The following TENM2 variants were observed in gnomAD, a reference collection of about 807,000 sequenced individuals.
TENM2 encodes the protein teneurin transmembrane protein 2.
TENM2 carries 52 observed loss-of-function variants against 245.2 expected under a neutral mutation model. The ratio of observed to expected loss-of-function variants is 0.21; its 90% CI spans 0.17 to 0.27. TENM2 has a LOEUF of 0.27. Among genes scored for constraint, TENM2 ranks in the 10% least tolerant of loss-of-function variants. TENM2 has a pLI of 1.00. For missense variants in TENM2, 3,046 were observed against 3,666.8 expected, an observed-to-expected ratio of 0.83 and a Z score of 4.37; for synonymous variants, 1,363 against 1,438.9, an observed-to-expected ratio of 0.95 and a Z score of 1.19.
the TENM2 span, among the ~76,000 whole-genome samples, chr5:167,157,617 A>G: frequency 6.6e-5 from 10 of 152,222 alleles, no homozygotes; most frequent in African/African-American, 1.7e-4. Context: ...TTTTATATCT[A>G]TGTGAACACA....
chr5:167,285,183 AC>A, intron 1 of TENM2, 120 bp downstream of exon 3: 3 of 714,252 alleles, frequency 4.2e-6, no homozygotes, highest in Non-Finnish European at 4.9e-6. Flanking sequence ...CCTACAGCAG[AC>A]CCTTGGTTCC....
At chr5:167,459,909 TAA>T (rs1471335066) in intron 2 of TENM2, among the ~76,000 whole-genome samples, 4 of 105,594 alleles carry the variant, frequency 3.8e-5, no homozygotes, top group East Asian at 7.2e-4. Flanking sequence ...TATATAAAGA[TAA>T]ACACACACAC....
chr5:168,118,574 C>T (rs1374269218), intron 10 of TENM2, 88 bp downstream of exon 12: 13 of 1,022,452 alleles, frequency 1.3e-5, no homozygotes, highest in Non-Finnish European at 1.5e-5. Context: ...TCCTGGGCTG[C>T]GTGTTTTGCA....
the TENM2 span, among the ~76,000 whole-genome samples, chr5:167,187,321 G>A: frequency 6.6e-6 from 1 of 152,188 alleles, no homozygotes; most frequent in Non-Finnish European, 1.5e-5. Context: ...GGATAATGTT[G>A]GTTCTCAAAA....
intron 4 of TENM2, among the ~76,000 whole-genome samples, chr5:167,968,047 G>C (rs987368194): frequency 2.0e-5 from 3 of 152,076 alleles, no homozygotes; most frequent in Non-Finnish European, 4.4e-5. Context: ...TGATTTATTA[G>C]TCTTGGCCTT....
chr5:167,842,508 G>C (rs1488407552), intron 2 of TENM2, among the ~76,000 whole-genome samples: 4 of 142,574 alleles, frequency 2.8e-5, no homozygotes, highest in African/African-American at 5.2e-5. Flanking sequence ...AGAATTGCTT[G>C]AGCCTGGAAG....
At chr5:168,262,304 G>A (rs758545880) in exon 29 of TENM2, 2 of 1,610,596 alleles carry the variant, frequency 1.2e-6, no homozygotes, top group Non-Finnish European at 1.7e-6. Context: ...CTACTACCTG[G>A]ACAAGATGCA....
chr5:167,737,206 A>G (rs1420696881), intron 2 of TENM2, among the ~76,000 whole-genome samples: 1 of 152,210 alleles, frequency 6.6e-6, no homozygotes, highest in African/African-American at 2.4e-5. Flanking sequence ...TAAAGTGATC[A>G]TTGTCTGGTT....
At chr5:167,991,144 A>G (rs1470083888) in intron 4 of TENM2, among the ~76,000 whole-genome samples, 1 of 152,216 alleles carries the variant, frequency 6.6e-6, no homozygotes, top group Admixed American at 6.5e-5. Flanking sequence ...CAAGTAAAAC[A>G]TTCAGCATTG....
At chr5:167,447,011 T>C (rs893758645) in intron 2 of TENM2, among the ~76,000 whole-genome samples, 15 of 152,218 alleles carry the variant, frequency 9.9e-5, no homozygotes, top group African/African-American at 3.6e-4. Context: ...GAGGGTTCCT[T>C]TGAGCATCAT....
the TENM2 span, among the ~76,000 whole-genome samples, chr5:167,048,811 A>G: frequency 6.6e-6 from 1 of 152,318 alleles, no homozygotes; most frequent in African/African-American, 2.4e-5. Flanking sequence ...TCCCAAGAAA[A>G]TTAAGGCATT....
At chr5:166,997,072 G>A in the TENM2 span, among the ~76,000 whole-genome samples, 3 of 152,112 alleles carry the variant, frequency 2.0e-5, no homozygotes, top group Admixed American at 1.3e-4. Context: ...TTCACTTATA[G>A]ACACTCAAGA....
At chr5:167,005,133 A>C in the TENM2 span, among the ~76,000 whole-genome samples, 1 of 152,158 alleles carries the variant, frequency 6.6e-6, no homozygotes, top group Admixed American at 6.5e-5. Flanking sequence ...TTGCTGCCTC[A>C]CTGTTTCCAA....
intron 13 of TENM2, among the ~76,000 whole-genome samples, chr5:168,168,336 G>T (rs1758489798): frequency 6.6e-6 from 1 of 152,142 alleles, no homozygotes; most frequent in South Asian, 2.1e-4. Flanking sequence ...CAGAACACAG[G>T]AGTGCAGTGA....
chr5:167,142,262 T>C, the TENM2 span, among the ~76,000 whole-genome samples: 1 of 152,266 alleles, frequency 6.6e-6, no homozygotes, highest in Middle Eastern at 3.4e-3. Context: ...GCCAACTTGC[T>C]CACTAAGCTG....
intron 25 of TENM2, among the ~76,000 whole-genome samples, chr5:168,238,680 C>T (rs1401968920): frequency 6.6e-6 from 1 of 152,174 alleles, no homozygotes; most frequent in Admixed American, 6.5e-5. Context: ...GACAGCGTTT[C>T]CTTTTCTCCA....
intron 6 of TENM2, among the ~76,000 whole-genome samples, chr5:168,053,594 A>G (rs1218418088): frequency 2.6e-5 from 4 of 152,270 alleles, no homozygotes; most frequent in African/African-American, 7.2e-5. Context: ...AAATGATAGT[A>G]TAACAACTAT....
At chr5:167,865,562 G>C (rs112206666) in intron 2 of TENM2, among the ~76,000 whole-genome samples, 5,129 of 152,168 alleles carry the variant, frequency 0.034, 303 homozygotes, top group African/African-American at 0.11. Context: ...TCGTGAGCCA[G>C]CATGCCCAGC....
chr5:167,037,627 C>T, the TENM2 span, among the ~76,000 whole-genome samples: 3 of 152,228 alleles, frequency 2.0e-5, no homozygotes, highest in South Asian at 6.2e-4. Flanking sequence ...CTAGCCCAAC[C>T]ATGTAAAACT....
Sources: allele counts gnomAD v4.1 joint callset (sites outside exome capture counted in the v4.1 genomes callset), GRCh38; gene constraint gnomAD v4.1.1; transcripts MANE v1.5; gene names NCBI Gene and HGNC (gene_info 2026-07-23, HGNC 2026-07-21).